The following KIRREL3 variants were observed in gnomAD, a reference collection of about 807,000 sequenced individuals.
KIRREL3 encodes kin of IRRE-like protein 3.
A neutral mutation model predicts 89.7 loss-of-function variants in KIRREL3; 36 were observed. The observed-to-expected ratio is 0.40, with a 90% CI of 0.31 to 0.53. The LOEUF (loss-of-function observed/expected upper bound fraction) is 0.53. KIRREL3 is among the 20% of genes least tolerant of loss of function. The pLI is 0.49. For synonymous variants in KIRREL3, 445 were observed against 441.4 expected, an observed-to-expected ratio of 1.01 and a Z score of -0.10; for missense variants, 864 against 1,056.6, an observed-to-expected ratio of 0.82 and a Z score of 2.53.
chr11:126,923,098 T>TCTC (rs1403648656), intron 1 of KIRREL3, among the ~76,000 whole-genome samples: 11 of 89,062 alleles, frequency 1.2e-4, no homozygotes, highest in African/African-American at 5.3e-4. Context: ...TTCTTCTTCT[T>TCTC]CTTCTCCTTC....
chr11:126,871,491 G>A (rs1207872281), intron 1 of KIRREL3, among the ~76,000 whole-genome samples: 3 of 152,094 alleles, frequency 2.0e-5, no homozygotes, highest in African/African-American at 7.2e-5. Context: ...AAGAAAGAAA[G>A]GAAGAAAAAC....
At chr11:126,616,946 A>G (rs1421447170) in intron 1 of KIRREL3, among the ~76,000 whole-genome samples, 1 of 152,256 alleles carries the variant, frequency 6.6e-6, no homozygotes, top group Non-Finnish European at 1.5e-5. Flanking sequence ...CTGGCCTCAT[A>G]GATGTTTCAA....
Position 126,837,059 on chromosome 11 carries a change from GAACT to G in KIRREL3, c.55+163392_55+163395del, listed in dbSNP as rs759578801. Among the ~76,000 whole-genome samples the G allele has an allele frequency of 7.9e-5, 12 of 152,074 alleles. No homozygotes were observed. Among genetic ancestry groups the G allele is most frequent in the Non-Finnish European group, 1.5e-4 (10 of 68,024 alleles). ...TTGGGGGGCGGGGGGTTGAATGAAT[GAACT>G]AACAAACAGCTTCAGAGTAGCGTGG... On this transcript the variant is annotated intron_variant, in intron 1 of 16. Coordinates refer to ENST00000525144, the MANE Select transcript of KIRREL3 (RefSeq NM_032531.4). The surrounding 1 kb of genome is among the most constrained non-coding windows in gnomAD (Gnocchi z 4.7).
rs372066492 is a variant in KIRREL3 at position 126,642,985 on chromosome 11, C to CCCATCCATCCATCCAT, written c.56-80089_56-80074dup. Among the ~76,000 whole-genome samples, 12,485 of 150,688 alleles carry CCCATCCATCCATCCAT rather than the reference C, an allele frequency of 0.083. 596 individuals carry two copies. The highest frequency in any genetic ancestry group is 0.12 in the African/African-American group (5,041 of 40,648). On this transcript the variant is annotated intron_variant, in intron 1 of 16. Transcript: ENST00000525144. The surrounding 1 kb of genome is among the most constrained non-coding windows in gnomAD (Gnocchi z 4.9). ...GGTACTTTGGCCTCCCTTCTTCCCT[C>CCCATCCATCCATCCAT]CCATCCATCCATCCATCCATCCATC...
At chr11:126,713,457 G>A (rs1445972455) in intron 1 of KIRREL3, among the ~76,000 whole-genome samples, 3 of 152,182 alleles carry the variant, frequency 2.0e-5, no homozygotes, top group Admixed American at 6.5e-5. Flanking sequence ...GTAAAGGGGA[G>A]CCCCAGGATG....
rs927359260 is a variant in KIRREL3, at chr11:126,837,559, C to T, written c.55+162896G>A. 1.3e-5 allele frequency among the ~76,000 whole-genome samples: 2 copies of T among 152,148 alleles called. No homozygotes were observed. Among genetic ancestry groups the T allele is most frequent in the Admixed American group, 6.5e-5 (1 of 15,284 alleles). On this transcript the variant is annotated intron_variant, in intron 1 of 16. Transcript: ENST00000525144. The surrounding 1 kb of genome is among the most constrained non-coding windows in gnomAD (Gnocchi z 4.7). ...GTCCAGATTTAAAAGAACTCCTCTT[C>T]CCACCTCTTCCAATCCTCGCTACAT...
At chr11:126,499,010 A>C (rs1415234597) in intron 4 of KIRREL3, among the ~76,000 whole-genome samples, 1 of 152,094 alleles carries the variant, frequency 6.6e-6, no homozygotes, top group Non-Finnish European at 1.5e-5. Context: ...AAAATTAGCC[A>C]GGTGTGGTGG....
At chr11:126,680,897 C>A (rs1946424766) in intron 1 of KIRREL3, among the ~76,000 whole-genome samples, 2 of 152,120 alleles carry the variant, frequency 1.3e-5, no homozygotes, top group Admixed American at 1.3e-4. Context: ...GCAGCACGAC[C>A]TAACAGGATT....
Position 126,724,961 on chromosome 11 carries a change from C to A in KIRREL3, c.56-162049G>T, listed in dbSNP as rs1948321735. Among the ~76,000 whole-genome samples, 1 of 152,078 alleles carries A rather than the reference C, an allele frequency of 6.6e-6. No individual in the cohort carries two copies. The highest frequency in any genetic ancestry group is 2.4e-5 in the African/African-American group (1 of 41,398). On this transcript the variant is annotated intron_variant, in intron 1 of 16. Transcript: ENST00000525144. This position sits in a 1 kb window ranked among gnomAD's most constrained non-coding sequence, Gnocchi z 4.3. The stretch of plus-strand genomic sequence containing the variant: ...TGTGCTAGGTGCAGGAGTAGATATT[C>A]TTATTTCTGTTCTTCAGATGAAGAG...
At chr11:126,916,277 C>G (rs1947034107) in intron 1 of KIRREL3, among the ~76,000 whole-genome samples, 1 of 152,116 alleles carries the variant, frequency 6.6e-6, no homozygotes, top group African/African-American at 2.4e-5. Flanking sequence ...TCATATAGAC[C>G]AGTGCTTCTG....
In KIRREL3 at chr11:126,668,100, A is replaced by G. The variant is rs1172608918; in HGVS notation, c.56-105188T>C. ...TAGTCAGTTTCGGCTATAACAAAAC[A>G]CCATAAACTGGGTGGTTTATAAACA... On this transcript the variant is annotated intron_variant, in intron 1 of 16. Coordinates refer to ENST00000525144, the MANE Select transcript of KIRREL3 (RefSeq NM_032531.4). This position sits in a 1 kb window ranked among gnomAD's most constrained non-coding sequence, Gnocchi z 4.4. Among the ~76,000 whole-genome samples, 2 of 152,166 alleles carry G rather than the reference A, an allele frequency of 1.3e-5. No homozygotes were observed. The highest frequency in any genetic ancestry group is 6.5e-5 in the Admixed American group (1 of 15,284).
intron 1 of KIRREL3, among the ~76,000 whole-genome samples, chr11:126,810,258 T>C (rs1303848087): frequency 6.6e-6 from 1 of 152,134 alleles, no homozygotes; most frequent in African/African-American, 2.4e-5. Context: ...ATAAATCTTC[T>C]ATTCACACCT....
At chr11:126,874,625 G>T (rs560237491) in intron 1 of KIRREL3, among the ~76,000 whole-genome samples, 3 of 152,210 alleles carry the variant, frequency 2.0e-5, no homozygotes, top group Non-Finnish European at 4.4e-5. Flanking sequence ...GTTTGGGAAG[G>T]AATTAGCCAT....
At position 126,748,656 on chromosome 11, in the gene KIRREL3, C is replaced by G. The variant is rs2134239082; in HGVS notation, c.56-185744G>C. Among the ~76,000 whole-genome samples the G allele has an allele frequency of 6.6e-6, 1 of 152,196 alleles. No individual in the cohort carries two copies. Among genetic ancestry groups the G allele is most frequent in the Middle Eastern group, 3.4e-3 (1 of 294 alleles). ...GGGAAGGGGGCAGGGGCAGGAAGGCCAAGGCTGATTCGGCCTTGGTCTGGC... is the reference window on the plus strand; with the variant it reads ...GGGAAGGGGGCAGGGGCAGGAAGGCGAAGGCTGATTCGGCCTTGGTCTGGC... On this transcript the variant is annotated intron_variant, in intron 1 of 16. Transcript: ENST00000525144. The surrounding 1 kb of genome is among the most constrained non-coding windows in gnomAD (Gnocchi z 4.6).
intron 1 of KIRREL3, among the ~76,000 whole-genome samples, chr11:126,728,447 C>T (rs965219551): frequency 7.9e-5 from 12 of 152,118 alleles, no homozygotes; most frequent in African/African-American, 2.9e-4. Context: ...GGAGTGTAGG[C>T]TTCCAGAGCA....
chr11:126,707,537 C>T (rs1489864648), intron 1 of KIRREL3, among the ~76,000 whole-genome samples: 1 of 152,170 alleles, frequency 6.6e-6, no homozygotes, highest in Admixed American at 6.5e-5. Flanking sequence ...CTATGTCAGT[C>T]CATTGTTCTC....
intron 1 of KIRREL3, among the ~76,000 whole-genome samples, chr11:126,672,250 T>A (rs1388963327): frequency 6.6e-6 from 1 of 152,180 alleles, no homozygotes; most frequent in African/African-American, 2.4e-5. Context: ...TTGGACTTGA[T>A]TATATGAGAC....
rs1239331667 is a variant in KIRREL3, at chr11:126,687,504, C to T, written c.56-124592G>A. Reference sequence around the variant, plus strand: ...AAAACCTCTAGATATTCCCATGGAGCTGCTAGTTCTGGAAACACTATGGGG... The same window carrying T: ...AAAACCTCTAGATATTCCCATGGAGTTGCTAGTTCTGGAAACACTATGGGG... On this transcript the variant is annotated intron_variant, in intron 1 of 16. Coordinates refer to ENST00000525144, the MANE Select transcript of KIRREL3 (RefSeq NM_032531.4). This position sits in a 1 kb window ranked among gnomAD's most constrained non-coding sequence, Gnocchi z 4.6. Among the ~76,000 whole-genome samples the T allele has an allele frequency of 6.6e-6, 1 of 152,218 alleles. No individual in the cohort carries two copies. The highest frequency in any genetic ancestry group is 2.4e-5 in the African/African-American group (1 of 41,452).
chr11:126,676,551 C>T lies in KIRREL3; in HGVS notation c.56-113639G>A, dbSNP rs888621143. Among the ~76,000 whole-genome samples the T allele has an allele frequency of 1.3e-5, 2 of 152,076 alleles. No individual in the cohort carries two copies. Among genetic ancestry groups the T allele is most frequent in the Non-Finnish European group, 2.9e-5 (2 of 68,010 alleles). On this transcript the variant is annotated intron_variant, in intron 1 of 16. Transcript: ENST00000525144. This position sits in a 1 kb window ranked among gnomAD's most constrained non-coding sequence, Gnocchi z 4.5. ...GAGTTGGGGGGAGATGCTGCGAGTCCTTTAAAGAACCTCCCATAGCAGTCT... is the reference window on the plus strand; with the variant it reads ...GAGTTGGGGGGAGATGCTGCGAGTCTTTTAAAGAACCTCCCATAGCAGTCT...
Sources: gnomAD v4.1 joint callset for allele counts (sites outside exome capture counted in the v4.1 genomes callset) on GRCh38, gnomAD v4.1.1 for gene constraint, Gnocchi (gnomAD v3.1) non-coding constraint, MANE v1.5 for transcripts, NCBI Gene and HGNC (gene_info 2026-07-23, HGNC 2026-07-21) for gene names.